The following ATRN variants were observed in gnomAD, a reference collection of about 807,000 sequenced individuals.
The protein encoded by ATRN is attractin-2.
ATRN carries 54 observed loss-of-function variants against 178.7 expected under a neutral mutation model. The ratio of observed to expected loss-of-function variants is 0.30; its 90% confidence interval spans 0.24 to 0.38. The LOEUF (loss-of-function observed/expected upper bound fraction) is 0.38. Among genes scored for constraint, ATRN ranks in the 10% least tolerant of loss-of-function variants. The probability of loss-of-function intolerance (pLI) is 1.00; values close to 1 mark genes in which losing one functional copy is unlikely to be tolerated. For synonymous variants in ATRN, 636 were observed against 663.0 expected (o/e 0.96, Z 0.63); for missense variants, 1,443 against 1,815.1 (o/e 0.79, Z 3.73).
intron 28 of ATRN, 112 bp downstream of exon 28, chr20:3,644,380 C>T: frequency 1.2e-6 from 1 of 864,858 alleles, no homozygotes; most frequent in Non-Finnish European, 1.8e-6. Flanking sequence ...CCAACAGTGC[C>T]TGCCCATGCC....
intron 1 of ATRN, among the ~76,000 whole-genome samples, chr20:3,513,107 G>A (rs533817281): frequency 5.9e-4 from 90 of 152,276 alleles, no homozygotes; most frequent in South Asian, 1.7e-3. Context: ...AAGCTCTTTA[G>A]TTTAATTAGA....
intron 22 of ATRN, among the ~76,000 whole-genome samples, chr20:3,599,873 G>A (rs1057396477): frequency 3.3e-5 from 5 of 152,086 alleles, no homozygotes; most frequent in Admixed American, 3.3e-4. Context: ...TAAATGAGAA[G>A]GTAAATGCTT....
intron 1 of ATRN, among the ~76,000 whole-genome samples, chr20:3,478,059 T>A (rs555292054): frequency 1.3e-5 from 2 of 152,238 alleles, no homozygotes; most frequent in Admixed American, 6.5e-5. Flanking sequence ...TCTACCTGTT[T>A]GTTTTTTTCT....
At chr20:3,496,202 T>G (rs1391742257) in intron 1 of ATRN, among the ~76,000 whole-genome samples, 1 of 151,384 alleles carries the variant, frequency 6.6e-6, no homozygotes, top group Non-Finnish European at 1.5e-5. Context: ...AGCTTTTGAA[T>G]GTGTTTGCTC....
In ATRN at chr20:3,584,723, C is replaced by T; in HGVS notation, c.3027C>T (p.Ser1009=). 6.2e-7 allele frequency: 1 copy of T among 1,613,840 alleles called. No individual in the cohort carries two copies. The highest frequency in any genetic ancestry group is 1.3e-5 in the African/African-American group (1 of 74,920). The part of the protein sequence containing the change: ...QPGCGWCTDP[S]NTGKGKCIEG... Reference sequence around the variant, plus strand: ...GCTGTGGCTGGTGTACTGATCCCAGCAATACTGGCAAAGGGAAATGCATAG... The same window carrying T: ...GCTGTGGCTGGTGTACTGATCCCAGTAATACTGGCAAAGGGAAATGCATAG... The change falls in exon 18 of 29, where the codon AGC becomes AGT. Residue 1009 remains serine (S), a synonymous_variant. Coordinates refer to ENST00000262919, the MANE Select transcript of ATRN (RefSeq NM_139321.3).
intron 10 of ATRN, among the ~76,000 whole-genome samples, chr20:3,563,843 T>C (rs2085991148): frequency 6.6e-6 from 1 of 152,256 alleles, no homozygotes; most frequent in African/African-American, 2.4e-5. Flanking sequence ...ATGTTCATTT[T>C]AAACAAATTA....
chr20:3,492,835 GGAGAGA>G (rs548451784), intron 1 of ATRN, among the ~76,000 whole-genome samples: 17 of 132,700 alleles, frequency 1.3e-4, no homozygotes, highest in East Asian at 1.3e-3. Context: ...AAATAGAAAG[GGAGAGA>G]GAGAGAGAGA....
At chr20:3,613,092 T>C (rs941981324) in intron 24 of ATRN, among the ~76,000 whole-genome samples, 4 of 152,232 alleles carry the variant, frequency 2.6e-5, no homozygotes, top group African/African-American at 9.6e-5. Context: ...ATTTTCTTCC[T>C]GGTTTTCTGG....
intron 1 of ATRN, among the ~76,000 whole-genome samples, chr20:3,472,052 C>A (rs942439318): frequency 6.6e-6 from 1 of 152,152 alleles, no homozygotes; most frequent in Non-Finnish European, 1.5e-5. Flanking sequence ...ACCAGTGGTC[C>A]TTCTAAAGGA....
intron 1 of ATRN, among the ~76,000 whole-genome samples, chr20:3,515,340 C>T (rs997118024): frequency 1.3e-5 from 2 of 152,062 alleles, no homozygotes; most frequent in African/African-American, 4.8e-5. Flanking sequence ...TGTGAGATCA[C>T]CTACCTAGTG....
chr20:3,486,159 C>G (rs952202258), intron 1 of ATRN, among the ~76,000 whole-genome samples: 7 of 151,752 alleles, frequency 4.6e-5, no homozygotes, highest in Admixed American at 3.9e-4. Context: ...TTCTTTCTCT[C>G]TTTTTTAGCT....
intron 1 of ATRN, among the ~76,000 whole-genome samples, chr20:3,535,007 G>C (rs1349687183): frequency 6.6e-6 from 1 of 151,952 alleles, no homozygotes; most frequent in Non-Finnish European, 1.5e-5. Flanking sequence ...ATTCCTGTTG[G>C]TTTTAATATT....
At chr20:3,503,519 AAATT>A (rs2084992504) in intron 1 of ATRN, among the ~76,000 whole-genome samples, 2 of 152,306 alleles carry the variant, frequency 1.3e-5, no homozygotes, top group Admixed American at 1.3e-4. Flanking sequence ...GAGCCATATA[AAATT>A]AATTAAAACT....
chr20:3,578,704 C>T lies in ATRN; in HGVS notation c.2476C>T (p.Leu826Phe), dbSNP rs926795389. The T allele has an allele frequency of 6.2e-7, 1 of 1,614,154 alleles. No homozygotes were observed. Among genetic ancestry groups the T allele is most frequent in the South Asian group, 1.1e-5 (1 of 91,084 alleles). Residue 826 changes from leucine (L) to phenylalanine (F), a missense_variant, in exon 15 of 29, where the codon CTT becomes TTT. Physicochemically the swap from Leu to Phe is conservative, Grantham distance 22. Transcript: ENST00000262919. The part of the protein sequence containing the change: ...CRNHNALLAS[L>F]TTQKKVEFVL... ...GAACCACAATGCCCTTTTGGCTTCT[C>T]TTACAACCCAGAAGAAGGTAGAATT... is the stretch of plus-strand genomic sequence containing the variant.
chr20:3,503,612 G>A (rs1196748218), intron 1 of ATRN, among the ~76,000 whole-genome samples: 4 of 152,074 alleles, frequency 2.6e-5, no homozygotes, highest in East Asian at 1.9e-4. Flanking sequence ...TTACTGGACC[G>A]GCTCAATAGA....
chr20:3,507,271 A>G (rs2085058506), intron 1 of ATRN, among the ~76,000 whole-genome samples: 1 of 151,818 alleles, frequency 6.6e-6, no homozygotes, highest in Non-Finnish European at 1.5e-5. Flanking sequence ...TTAGCCGGGC[A>G]TGGTGGTGGG....
chr20:3,593,394 T>G (rs1362354207), intron 19 of ATRN, among the ~76,000 whole-genome samples: 1 of 152,188 alleles, frequency 6.6e-6, no homozygotes, highest in African/African-American at 2.4e-5. Context: ...TTACTGTGTT[T>G]GAGACATCAT....
intron 1 of ATRN, among the ~76,000 whole-genome samples, chr20:3,521,085 G>A (rs1442866989): frequency 1.3e-5 from 2 of 152,064 alleles, no homozygotes; most frequent in East Asian, 1.9e-4. Flanking sequence ...CAATAGACAG[G>A]GGGTACTACT....
chr20:3,564,762 G>A (rs1019862086), intron 10 of ATRN, among the ~76,000 whole-genome samples: 2 of 152,098 alleles, frequency 1.3e-5, no homozygotes, highest in African/African-American at 4.8e-5. Flanking sequence ...TGTAAAATTT[G>A]CTTGCTTTAA....
Sources: gnomAD v4.1 joint callset for allele counts (sites outside exome capture counted in the v4.1 genomes callset) on GRCh38, gnomAD v4.1.1 for gene constraint, MANE v1.5 for transcripts, NCBI Gene and HGNC (gene_info 2026-07-23, HGNC 2026-07-21) for gene names.